Variants in DOCK8 observed in about 807,000 individuals in gnomAD.
DOCK8 encodes the protein dedicator of cytokinesis 8.
A neutral mutation model predicts 245.6 loss-of-function variants in DOCK8; 141 were observed. The ratio of observed to expected loss-of-function variants is 0.57; its 90% CI spans 0.50 to 0.66. DOCK8 has a LOEUF of 0.66. Among genes scored for constraint, DOCK8 ranks in the 30% least tolerant of loss-of-function variants. DOCK8 has a pLI of 0.00. For missense variants in DOCK8, 2,965 were observed against 2,603.4 expected, an observed-to-expected ratio of 1.14 and a Z score of -3.02; for synonymous variants, 1,168 against 970.2, an observed-to-expected ratio of 1.20 and a Z score of -3.79.
chr9:332,536 G>A, intron 10 of DOCK8, 58 bp downstream of exon 10: 7 of 1,259,528 alleles, frequency 5.6e-6, no homozygotes, highest in Non-Finnish European at 8.1e-6. Context: ...GGTATTTTCA[G>A]AAGTGTTACA....
At chr9:317,722 C>G (rs930209445) in intron 7 of DOCK8, among the ~76,000 whole-genome samples, 5 of 152,182 alleles carry the variant, frequency 3.3e-5, no homozygotes, top group African/African-American at 7.2e-5. Context: ...GCACTCACTG[C>G]TAGCAACAGA....
intron 5 of DOCK8, among the ~76,000 whole-genome samples, chr9:310,412 C>A (rs2050045290): frequency 6.6e-6 from 1 of 152,132 alleles, no homozygotes; most frequent in South Asian, 2.1e-4. Flanking sequence ...CATTTGTAAT[C>A]TTTTTCTCTG....
chr9:312,067 G>A lies in DOCK8; in HGVS notation c.642G>A (p.Leu214=). ...CTGACAAGCGGCTAGAAAACCTCCT[G>A]CAGCAAGTGAGTGCCGAGGACTTTG... The part of the protein sequence containing the change: ...LQPDKRLENL[L]QQVSAEDFEK... The change falls in exon 6 of 48, where the codon CTG becomes CTA. Residue 214 remains leucine (L), a synonymous_variant. Coordinates refer to ENST00000432829, the MANE Select transcript of DOCK8 (RefSeq NM_203447.4). 6.2e-7 allele frequency: 1 copy of A among 1,614,226 alleles called. No homozygotes were observed. The highest frequency in any genetic ancestry group is 2.2e-5 in the East Asian group (1 of 44,880).
At chr9:389,983 G>A (rs1031485735) in intron 23 of DOCK8, among the ~76,000 whole-genome samples, 45 of 151,984 alleles carry the variant, frequency 3.0e-4, no homozygotes, top group African/African-American at 9.6e-4. Context: ...TTACGCCACC[G>A]CATTCCAGCC....
intron 1 of DOCK8, among the ~76,000 whole-genome samples, chr9:271,044 G>C (rs2048149885): frequency 6.6e-6 from 1 of 152,236 alleles, no homozygotes; most frequent in Non-Finnish European, 1.5e-5. Context: ...TGTTGGCTGA[G>C]CATTGTCCAC....
At position 464,807 on chromosome 9, in the gene DOCK8, G is replaced by C. The variant is rs768162747; in HGVS notation, c.*588G>C. Reference sequence around the variant, plus strand: ...TTTTGGTAATGGTGGACTAATTGCTGTATAGTTATTTTTGTTTTATTATTA... The same window carrying C: ...TTTTGGTAATGGTGGACTAATTGCTCTATAGTTATTTTTGTTTTATTATTA... On this transcript the variant is annotated 3_prime_UTR_variant, in exon 48 of 48. Coordinates refer to ENST00000432829, the MANE Select transcript of DOCK8 (RefSeq NM_203447.4). 1.3e-5 allele frequency: 2 copies of C among 159,950 alleles called. No individual in the cohort carries two copies. Among genetic ancestry groups the C allele is most frequent in the Non-Finnish European group, 2.8e-5 (2 of 72,192 alleles). 9.9% of individuals were successfully genotyped at this position (159,950 alleles called of 1,614,324 possible).
At chr9:229,808 C>G (rs2047067382) in intron 1 of DOCK8, among the ~76,000 whole-genome samples, 2 of 152,104 alleles carry the variant, frequency 1.3e-5, no homozygotes, top group South Asian at 4.2e-4. Context: ...TTGCTTTTAG[C>G]TGCTGCAAGT....
intron 46 of DOCK8, chr9:454,299 G>C (rs912531728): frequency 1.3e-5 from 2 of 152,118 alleles, no homozygotes; most frequent in African/African-American, 4.8e-5. Context: ...GAGAGAGAGA[G>C]AGACCACATT....
At position 415,031 on chromosome 9, in the gene DOCK8, C is replaced by T. The variant is rs1004421370; in HGVS notation, c.3700+80C>T. The T allele has an allele frequency of 9.0e-6, 14 of 1,561,852 alleles. 1 individual carries two copies. The South Asian group carries it at 1.1e-4, about 12-fold the overall frequency. ...CCATCCGAATGAGATCTCTGTCATT[C>T]GTTCCAGTGCTGATATGTTCATATG... On this transcript the variant is annotated intron_variant, in intron 29 of 47. Transcript: ENST00000432829.
chr9:280,228 C>T (rs1020279882), intron 2 of DOCK8, among the ~76,000 whole-genome samples: 1 of 152,136 alleles, frequency 6.6e-6, no homozygotes, highest in Admixed American at 6.5e-5. Flanking sequence ...TTCTAGTCTA[C>T]TGACCAGAAG....
At chr9:308,697 G>A (rs146197112) in intron 5 of DOCK8, among the ~76,000 whole-genome samples, 1,623 of 152,020 alleles carry the variant, frequency 0.011, 17 homozygotes, top group Non-Finnish European at 0.017. Context: ...TTGCTCTGTC[G>A]CCTAGGCTGG....
In DOCK8 at chr9:325,622, A is replaced by C. The variant is rs372798417; in HGVS notation, c.828-49A>C. On this transcript the variant is annotated intron_variant, in intron 7 of 47. Transcript: ENST00000432829. ...TATCTAGGTGTTTTCAGAAAATTCA[A>C]AATTATCTAACTCAAAGCCACATAG... is the stretch of plus-strand genomic sequence containing the variant. 3 of 1,539,588 alleles carry C rather than the reference A, an allele frequency of 1.9e-6. No individual in the cohort carries two copies. The South Asian group carries it at 3.4e-5, about 17-fold the overall frequency.
rs10973003 is a variant in DOCK8 at position 376,122 on chromosome 9, C to T, written c.2110-88C>T. The T allele has an allele frequency of 0.23, 211,961 of 922,426 alleles. 25,431 individuals are homozygous for T. Among genetic ancestry groups the T allele is most frequent in the Middle Eastern group, 0.28 (1,325 of 4,674 alleles). The allele number at this position is 922,426 out of a possible 1,614,324, so 57.1% of individuals were successfully genotyped here. A position where few individuals can be genotyped will look rare whatever the true frequency, so the allele number is the denominator to read the frequency against. ...GAGTTCTGTATTTGTATAACCCTGACATTTCCAGTCAAGTTGGTCTGCATT... is the reference window on the plus strand; with the variant it reads ...GAGTTCTGTATTTGTATAACCCTGATATTTCCAGTCAAGTTGGTCTGCATT... On this transcript the variant is annotated intron_variant, in intron 18 of 47. Coordinates refer to ENST00000432829, the MANE Select transcript of DOCK8 (RefSeq NM_203447.4).
chr9:372,595 C>T (rs371011965), intron 18 of DOCK8, among the ~76,000 whole-genome samples: 1 of 152,220 alleles, frequency 6.6e-6, no homozygotes, highest in African/African-American at 2.4e-5. Context: ...TAGTAAACAA[C>T]TGTTCCCATC....
chr9:379,670 G>A (rs1257460948), intron 20 of DOCK8, 101 bp from the exon 21 acceptor site: 4 of 1,336,258 alleles, frequency 3.0e-6, no homozygotes, highest in Non-Finnish European at 4.2e-6. Context: ...AGTTAAATTG[G>A]TCAGCGGTCA....
chr9:420,580 T>C lies in DOCK8; in HGVS notation c.4020T>C (p.Tyr1340=). 6.2e-7 allele frequency: 1 copy of C among 1,614,188 alleles called. No homozygotes were observed. Among genetic ancestry groups the C allele is most frequent in the Non-Finnish European group, 8.5e-7 (1 of 1,180,042 alleles). Residue 1340 remains tyrosine (Y), a synonymous_variant, in exon 31 of 48, where the codon TAT becomes TAC. Transcript: ENST00000432829. ...LLFICVLCFE[Y]KGKQSSDKVS... ...TCATCTGTGTGTTATGTTTTGAGTA[T>C]AAGGTAAGTCTGGAGTGGCACAACT...
intron 6 of DOCK8, among the ~76,000 whole-genome samples, chr9:315,004 A>C (rs938580383): frequency 6.6e-6 from 1 of 152,218 alleles, no homozygotes; most frequent in Non-Finnish European, 1.5e-5. Context: ...TTCTATGTCA[A>C]TCCCTAAGAA....
chr9:215,901 T>G (rs578187425), intron 1 of DOCK8, among the ~76,000 whole-genome samples: 3 of 152,200 alleles, frequency 2.0e-5, no homozygotes, highest in Non-Finnish European at 4.4e-5. Context: ...AATAGGAAAC[T>G]CATTCTAAAG....
intron 47 of DOCK8, 114 bp from the exon 48 acceptor site, chr9:464,045 G>T: frequency 1.1e-6 from 1 of 901,196 alleles, no homozygotes; most frequent in Non-Finnish European, 1.9e-6. Context: ...GTCCATGACT[G>T]ATGTCCATTT....
Sources: gnomAD v4.1 joint callset for allele counts (sites outside exome capture counted in the v4.1 genomes callset) on GRCh38, gnomAD v4.1.1 for gene constraint, MANE v1.5 for transcripts, NCBI Gene and HGNC (gene_info 2026-07-23, HGNC 2026-07-21) for gene names.